Variants in ARMC9 observed in about 807,000 individuals in gnomAD.
ARMC9 encodes lisH domain-containing protein ARMC9.
ARMC9 carries 94 observed loss-of-function variants against 107.0 expected under a neutral mutation model. The observed-to-expected ratio is 0.88, with a 90% confidence interval of 0.74 to 1.04. ARMC9 has a LOEUF of 1.04. Ranked by LOEUF, ARMC9 falls within the 50% of genes least tolerant of loss-of-function variation. The pLI is 0.00. For missense variants in ARMC9, 942 were observed against 1,030.1 expected, an observed-to-expected ratio of 0.91 and a Z score of 1.17; for synonymous variants, 380 against 396.9, an observed-to-expected ratio of 0.96 and a Z score of 0.51.
At chr2:231,246,237 C>T (rs1055657474) in intron 9 of ARMC9, among the ~76,000 whole-genome samples, 1 of 152,192 alleles carries the variant, frequency 6.6e-6, no homozygotes, top group Non-Finnish European at 1.5e-5. Context: ...TCAGCAGGTA[C>T]ATGTGCAGGT....
chr2:231,376,091 T>G lies in ARMC9; in HGVS notation c.*4556T>G, dbSNP rs1363145703. On this transcript the variant is annotated 3_prime_UTR_variant, in exon 25 of 25. Transcript: ENST00000611582. ...CCTTGTGATTTCCTATGCCTGTCTTTACTTTAATCTCTTAATCCTGTCAGC... is the reference window on the plus strand; with the variant it reads ...CCTTGTGATTTCCTATGCCTGTCTTGACTTTAATCTCTTAATCCTGTCAGC... Among the ~76,000 whole-genome samples, 1 of 152,228 alleles carries G rather than the reference T, an allele frequency of 6.6e-6. No individual in the cohort carries two copies. The highest frequency in any genetic ancestry group is 2.4e-5 in the African/African-American group (1 of 41,452).
At chr2:231,200,675 A>AAACAACAACAAC (rs113415095) in intron 1 of ARMC9, among the ~76,000 whole-genome samples, 1 of 151,280 alleles carries the variant, frequency 6.6e-6, no homozygotes. Context: ...CTCCATCTCA[A>AAACAACAACAAC]AACAACAAAA....
At chr2:231,338,512 C>T (rs2044279513) in intron 20 of ARMC9, among the ~76,000 whole-genome samples, 1 of 151,206 alleles carries the variant, frequency 6.6e-6, no homozygotes, top group South Asian at 2.1e-4. Context: ...CAGGCATGAG[C>T]CACCTCGCCC....
chr2:231,285,056 C>T (rs1001446307), intron 17 of ARMC9, among the ~76,000 whole-genome samples: 3 of 151,242 alleles, frequency 2.0e-5, no homozygotes, highest in Admixed American at 6.6e-5. Flanking sequence ...AAATTAGCCG[C>T]GTGTGGTGGC....
Position 231,365,340 on chromosome 2 carries a change from G to C in ARMC9, c.2261+4457G>C, listed in dbSNP as rs61412468. On this transcript the variant is annotated intron_variant, in intron 23 of 24. Coordinates refer to ENST00000611582, the MANE Select transcript of ARMC9 (RefSeq NM_001352754.2). ...AGCCTGGCCCTTATATGATCTCAGC[G>C]TATCAATAGGAACATTGTGTTGGGA... Among the ~76,000 whole-genome samples the C allele has an allele frequency of 9.7e-4, 147 of 152,276 alleles. 2 individuals are homozygous for C. In the East Asian group the frequency reaches 9.8e-3, roughly 10 times the overall value.
Position 231,208,156 on chromosome 2 carries a change from C to A in ARMC9, c.81C>A (p.Thr27=). The A allele has an allele frequency of 6.3e-7, 1 of 1,589,014 alleles. No individual in the cohort carries two copies. The highest frequency in any genetic ancestry group is 8.6e-7 in the Non-Finnish European group (1 of 1,161,122). Residue 27 remains threonine, a synonymous_variant, in exon 3 of 25, where the codon ACC becomes ACA. Transcript: ENST00000611582. ...EYLDFAEFED[T]LKTFSKECKI... is the part of the protein sequence containing the mutation. ...TAGATTTTGCTGAATTTGAAGACACCTTGAAAACATTTTCAAAAGAATGCA... is the reference window on the plus strand; with the variant it reads ...TAGATTTTGCTGAATTTGAAGACACATTGAAAACATTTTCAAAAGAATGCA...
intron 19 of ARMC9, among the ~76,000 whole-genome samples, chr2:231,322,348 C>T (rs748755617): frequency 6.6e-5 from 10 of 152,232 alleles, no homozygotes; most frequent in African/African-American, 9.6e-5. Flanking sequence ...CTTATTTTCA[C>T]AAAGAGTGAG....
chr2:231,347,468 G>A lies in ARMC9; in HGVS notation c.1994+2378G>A, dbSNP rs79720014. Among the ~76,000 whole-genome samples the A allele has an allele frequency of 4.2e-3, 646 of 152,126 alleles. 5 individuals carry two copies. Among genetic ancestry groups the A allele is most frequent in the Middle Eastern group, 0.02 (6 of 294 alleles). On this transcript the variant is annotated intron_variant, in intron 21 of 24. Coordinates refer to ENST00000611582, the MANE Select transcript of ARMC9 (RefSeq NM_001352754.2). ...CTCCCCAGCTACACTGGGTACTCCA[G>A]ACGGGCTACACGATGCTGATGTGCA...
intron 20 of ARMC9, among the ~76,000 whole-genome samples, chr2:231,342,891 T>C (rs926566106): frequency 4.6e-5 from 7 of 151,956 alleles, no homozygotes; most frequent in Admixed American, 3.3e-4. Context: ...TTTCCATCCC[T>C]CCCCACCTCC....
intron 19 of ARMC9, among the ~76,000 whole-genome samples, chr2:231,307,086 C>T (rs1209598285): frequency 1.3e-5 from 2 of 152,164 alleles, no homozygotes; most frequent in Admixed American, 1.3e-4. Flanking sequence ...GGTGTTCTCC[C>T]CTCTCCATCT....
At chr2:231,263,974 G>T (rs1338445119) in intron 12 of ARMC9, among the ~76,000 whole-genome samples, 2 of 152,016 alleles carry the variant, frequency 1.3e-5, no homozygotes, top group East Asian at 3.8e-4. Flanking sequence ...TTGCTATTAG[G>T]GTGTATCTGA....
intron 16 of ARMC9, among the ~76,000 whole-genome samples, chr2:231,279,257 C>A (rs1038956583): frequency 3.9e-5 from 6 of 152,138 alleles, no homozygotes; most frequent in African/African-American, 1.4e-4. Flanking sequence ...CCTATGGGCC[C>A]CAAGCACTTT....
In ARMC9 at chr2:231,328,814, C is replaced by CTT. The variant is rs1341987081; in HGVS notation, c.1774-2976_1774-2975dup. On this transcript the variant is annotated intron_variant, in intron 19 of 24. Coordinates refer to ENST00000611582, the MANE Select transcript of ARMC9 (RefSeq NM_001352754.2). ...AGCGTGTTCAATTTTCTTTTCTTTTCTTTTCTTTTTTTTTTTTTGAGTCGG... is the reference window on the plus strand; with the variant it reads ...AGCGTGTTCAATTTTCTTTTCTTTTCTTTTTTCTTTTTTTTTTTTTGAGTCGG... Among the ~76,000 whole-genome samples, 28 of 127,390 alleles carry CTT rather than the reference C, an allele frequency of 2.2e-4. 3 individuals are homozygous for CTT. Among genetic ancestry groups the CTT allele is most frequent in the Admixed American group, 4.8e-4 (6 of 12,424 alleles). 83.6% of individuals were successfully genotyped at this position (127,390 alleles called of 152,430 possible).
intron 23 of ARMC9, among the ~76,000 whole-genome samples, chr2:231,366,492 G>A (rs150647442): frequency 0.011 from 1,610 of 152,204 alleles, 22 homozygotes; most frequent in Non-Finnish European, 0.016. Flanking sequence ...GAGGCCAGGA[G>A]TGTGAGGCCA....
rs1236292798 is a variant in ARMC9 at position 231,255,438 on chromosome 2, GTTC to G, written c.880-1144_880-1142del. 1.3e-4 allele frequency among the ~76,000 whole-genome samples: 20 copies of G among 152,106 alleles called. No homozygotes were observed. The highest frequency in any genetic ancestry group is 1.3e-3 in the Admixed American group (20 of 15,270). On this transcript the variant is annotated intron_variant, in intron 9 of 24. Transcript: ENST00000611582. This position sits in a 1 kb window ranked among gnomAD's most constrained non-coding sequence, Gnocchi z 4.7. ...TAATATAATGATTCATATTGCTTTT[GTTC>G]TTCACAATGTATTTAACTAGGCAGT...
At chr2:231,370,848 A>G (rs1380987500) in intron 24 of ARMC9, 1 of 293,426 alleles carries the variant, frequency 3.4e-6, no homozygotes, top group Non-Finnish European at 6.9e-6. Context: ...AGGACAGAAC[A>G]AAAGGCCAGG....
At chr2:231,256,180 G>A (rs576045790) in intron 9 of ARMC9, 4 of 1,531,786 alleles carry the variant, frequency 2.6e-6, no homozygotes, top group African/African-American at 2.8e-5. Flanking sequence ...GACAGTGCAC[G>A]CAGGTGCGCG....
chr2:231,253,738 G>T (rs1017246242), intron 9 of ARMC9, among the ~76,000 whole-genome samples: 4 of 152,074 alleles, frequency 2.6e-5, no homozygotes, highest in African/African-American at 9.7e-5. Flanking sequence ...GAGTAGCAGG[G>T]GGCTGCAGAG....
chr2:231,224,522 A>G (rs572882002), intron 6 of ARMC9, among the ~76,000 whole-genome samples: 3 of 152,346 alleles, frequency 2.0e-5, no homozygotes, highest in Middle Eastern at 3.4e-3. Flanking sequence ...GAGTTAATAC[A>G]TATAACTTGT....
Sources: allele counts gnomAD v4.1 joint callset (sites outside exome capture counted in the v4.1 genomes callset), GRCh38; gene constraint gnomAD v4.1.1; non-coding constraint Gnocchi (gnomAD v3.1); transcripts MANE v1.5; gene names NCBI Gene and HGNC (gene_info 2026-07-23, HGNC 2026-07-21).